The following INTS1 variants were observed in gnomAD, a reference collection of about 807,000 sequenced individuals.
INTS1 encodes the protein integrator complex subunit 1.
INTS1 carries 137 observed loss-of-function variants against 241.6 expected under a neutral mutation model. That is an observed-to-expected ratio of 0.57 (90% CI 0.49 to 0.65). The LOEUF (loss-of-function observed/expected upper bound fraction) is 0.65. INTS1 is among the 30% of genes least tolerant of loss of function. INTS1 has a pLI of 0.00. For synonymous variants in INTS1, 1,692 were observed against 1,337.8 expected, an observed-to-expected ratio of 1.26 and a Z score of -5.78; for missense variants, 3,073 against 3,032.2, an observed-to-expected ratio of 1.01 and a Z score of -0.32.
Position 1,473,119 on chromosome 7 carries a change from G to A in INTS1, c.6023C>T (p.Pro2008Leu). 6.2e-7 allele frequency: 1 copy of A among 1,612,098 alleles called. No individual in the cohort carries two copies. The highest frequency in any genetic ancestry group is 1.3e-5 in the African/African-American group (1 of 75,038). The change falls in exon 43 of 48, where the codon CCC becomes CTC. Residue 2008 changes from proline to leucine, a missense_variant. Physicochemically the swap from Pro to Leu is moderately conservative, Grantham distance 98. Coordinates refer to ENST00000404767, the MANE Select transcript of INTS1 (RefSeq NM_001080453.3). ...LKSLLAGLSLPSRDDRTDRGL... is the reference protein window; with the variant it reads ...LKSLLAGLSLLSRDDRTDRGL... ...TCGGTCGGTCCTGTCGTCCCTGCTG[G>A]GCAGGCTGAGCCCTGCAAGGAGGGA...
At chr7:1,487,263 G>A (rs1462124528) in intron 20 of INTS1, 57 bp downstream of exon 20, 20 of 1,546,798 alleles carry the variant, frequency 1.3e-5, no homozygotes, top group African/African-American at 2.7e-5. Flanking sequence ...AAGGCCTCCG[G>A]AAGGTTCCGG....
At chr7:1,494,450 G>C in intron 14 of INTS1, 2 of 348,314 alleles carry the variant, frequency 5.7e-6, no homozygotes, top group South Asian at 5.7e-5. Flanking sequence ...CAGCCGGCTG[G>C]GGAAGGACAG....
rs1256248625 is a variant in INTS1 at position 1,496,137 on chromosome 7, G to A, written c.1711+19C>T. On this transcript the variant is annotated intron_variant, in intron 12 of 47. Coordinates refer to ENST00000404767, the MANE Select transcript of INTS1 (RefSeq NM_001080453.3). ...CGAGACCCCCACCAAGCAGGGCCAG[G>A]CCACCCCCACATCCTTACTCCTCTT... The A allele has an allele frequency of 6.2e-7, 1 of 1,602,774 alleles. No individual in the cohort carries two copies. The highest frequency in any genetic ancestry group is 1.1e-5 in the South Asian group (1 of 90,850).
In INTS1 at chr7:1,481,127, G is replaced by A. The variant is rs911786416; in HGVS notation, c.3851-194C>T. The A allele has an allele frequency of 7.1e-6, 5 of 708,350 alleles. No individual in the cohort carries two copies. The highest frequency in any genetic ancestry group is 3.7e-4 in the Middle Eastern group (1 of 2,730). 43.9% of individuals were successfully genotyped at this position (708,350 alleles called of 1,614,324 possible). The stretch of plus-strand genomic sequence containing the variant: ...CAAGCTCAAAACACGGCCCTAGGGG[G>A]TGCCTGGCCCCAGGGTTGGGGCAGG... On this transcript the variant is annotated intron_variant, in intron 28 of 47. Transcript: ENST00000404767. This position sits in a 1 kb window ranked among gnomAD's most constrained non-coding sequence, Gnocchi z 6.8.
intron 10 of INTS1, 99 bp downstream of exon 10, chr7:1,498,313 G>A: frequency 6.6e-7 from 1 of 1,517,230 alleles, no homozygotes; most frequent in Non-Finnish European, 8.9e-7. Flanking sequence ...CTCCCACGAA[G>A]CACTGCCAAT....
At chr7:1,494,089 G>C (rs996371516) in intron 14 of INTS1, among the ~76,000 whole-genome samples, 178 bp from the exon 15 acceptor site, 4 of 152,180 alleles carry the variant, frequency 2.6e-5, no homozygotes, top group African/African-American at 9.7e-5. Context: ...AGGAGCCCTG[G>C]CTCTAAGTCT....
intron 16 of INTS1, among the ~76,000 whole-genome samples, chr7:1,491,042 A>G (rs1346867683): frequency 6.6e-6 from 1 of 152,246 alleles, no homozygotes; most frequent in Admixed American, 6.5e-5. Flanking sequence ...ACCAACCAAC[A>G]GAATGAAGTG....
chr7:1,493,194 G>T lies in INTS1; in HGVS notation c.2069-88C>A. On this transcript the variant is annotated intron_variant, in intron 15 of 47. Transcript: ENST00000404767. The surrounding 1 kb of genome is among the most constrained non-coding windows in gnomAD (Gnocchi z 5.3). ...AGGGAACCGGCCCTGCTCGGGCCGC[G>T]TCGGGGTGGGGTGGGGGATGCCGCA... The T allele has an allele frequency of 1.0e-6, 1 of 985,380 alleles. No individual in the cohort carries two copies. Among genetic ancestry groups the T allele is most frequent in the Non-Finnish European group, 1.6e-6 (1 of 638,002 alleles). 61.0% of individuals were successfully genotyped at this position (985,380 alleles called of 1,614,324 possible).
In INTS1 at chr7:1,499,539, T is replaced by G. The variant is rs1419922236; in HGVS notation, c.778A>C (p.Arg260=). Residue 260 remains arginine, a synonymous_variant, in exon 6 of 48, where the codon AGA becomes CGA. Transcript: ENST00000404767. ...AGCAGCACGCTCCTGGGGGGCATTC[T>G]GGTGTTGAAGGCCGTCTGGATGTTG... The part of the protein sequence containing the change: ...VDNIQTAFNT[R]MPPRSVLLQG... The G allele has an allele frequency of 1.2e-6, 2 of 1,613,094 alleles. No homozygotes were observed. The highest frequency in any genetic ancestry group is 1.7e-5 in the Admixed American group (1 of 59,946).
rs1781410119 is a variant in INTS1 at position 1,470,581 on chromosome 7, A to G, written c.6569T>C (p.Met2190Thr). Residue 2190 changes from methionine to threonine, a missense_variant, in exon 48 of 48, where the codon ATG becomes ACG. Coordinates refer to ENST00000404767, the MANE Select transcript of INTS1 (RefSeq NM_001080453.3). ...ALRILHMEAVM is the reference protein window; with the variant it reads ...ALRILHMEAVT ...GGGGGGTCGGCTGCCACAGGCTCACATCACGGCCTCCATATGCAGGATCCT... is the reference window on the plus strand; with the variant it reads ...GGGGGGTCGGCTGCCACAGGCTCACGTCACGGCCTCCATATGCAGGATCCT... 3 of 1,560,098 alleles carry G rather than the reference A, an allele frequency of 1.9e-6. No homozygotes were observed. The highest frequency in any genetic ancestry group is 2.6e-6 in the Non-Finnish European group (3 of 1,153,226).
At position 1,473,640 on chromosome 7, in the gene INTS1, C is replaced by T. The variant is rs1227296163; in HGVS notation, c.5883G>A (p.Gln1961=). ...HLAAFINKFV[Q]FIHKYITYNA... ...TGTAGGTAATGTACTTATGGATGAA[C>T]TGCACAAACTTGTTGATGAAGGCAG... Residue 1961 remains glutamine, a synonymous_variant, in exon 42 of 48, where the codon CAG becomes CAA. Coordinates refer to ENST00000404767, the MANE Select transcript of INTS1 (RefSeq NM_001080453.3). 6.2e-7 allele frequency: 1 copy of T among 1,613,328 alleles called. No individual in the cohort carries two copies. The highest frequency in any genetic ancestry group is 1.3e-5 in the African/African-American group (1 of 74,942).
intron 27 of INTS1, chr7:1,482,344 A>C (rs1782036201): frequency 4.2e-6 from 2 of 473,710 alleles, no homozygotes; most frequent in Non-Finnish European, 7.4e-6. Context: ...GGACGGGGCC[A>C]GCACAGGCTG....
chr7:1,499,863 G>A lies in INTS1; in HGVS notation c.684+21C>T, dbSNP rs151013249. The A allele has an allele frequency of 4.6e-4, 744 of 1,606,848 alleles. 1 individual carries two copies. The African/African-American group carries it at 8.3e-3, about 18-fold the overall frequency. ...CCCGTGGCGCTCTGCCATCTTCACC[G>A]TCCCGGGAGAGGACGCTCACCTTGA... is the stretch of plus-strand genomic sequence containing the variant. On this transcript the variant is annotated intron_variant, in intron 5 of 47. Coordinates refer to ENST00000404767, the MANE Select transcript of INTS1 (RefSeq NM_001080453.3).
chr7:1,471,719 G>T (rs545747148), intron 44 of INTS1, 78 bp from the exon 45 acceptor site: 2 of 1,399,378 alleles, frequency 1.4e-6, no homozygotes, highest in East Asian at 4.6e-5. Context: ...CCACCCAGAG[G>T]GGGCAAGGCC....
intron 13 of INTS1, among the ~76,000 whole-genome samples, chr7:1,495,231 C>T (rs145000605): frequency 0.01 from 1,547 of 152,330 alleles, 26 homozygotes; most frequent in African/African-American, 0.034. Flanking sequence ...TGGAGCCTAA[C>T]GGCTGCTGCT....
rs375676141 is a variant in INTS1, at chr7:1,480,945, A to AGC, written c.3851-14_3851-13dup. 1,591 of 1,578,962 alleles carry AGC rather than the reference A, an allele frequency of 1.0e-3. 8 individuals are homozygous for AGC. The African/African-American group carries it at 0.012, about 11-fold the overall frequency. ...GTGGGCCATGTAATCTGCAAACCGT[A>AGC]GCAGGGTCACACCTGGGCGCGGCCA... is the stretch of plus-strand genomic sequence containing the variant. On this transcript the variant is annotated splice_polypyrimidine_tract_variant and intron_variant, in intron 28 of 47. Coordinates refer to ENST00000404767, the MANE Select transcript of INTS1 (RefSeq NM_001080453.3).
At position 1,485,102 on chromosome 7, in the gene INTS1, G is replaced by A. The variant is rs1277311419; in HGVS notation, c.3257C>T (p.Ala1086Val). 1.3e-6 allele frequency: 2 copies of A among 1,597,390 alleles called. No homozygotes were observed. The highest frequency in any genetic ancestry group is 4.5e-5 in the East Asian group (2 of 44,832). ...VEEQAQHSDL[A>V]LDVARLVVER... ...TGGCTGACCCTGCTGCCTCACCAGG[G>A]CCAGGTCGCTGTGCTGGGCCTGCTC... Residue 1086 changes from alanine (A) to valine (V), a missense_variant, in exon 24 of 48, where the codon GCC (alanine) becomes GTC (valine). Physicochemically the swap from Ala to Val is moderately conservative, Grantham distance 64 (BLOSUM62 0). Transcript: ENST00000404767.
At chr7:1,504,245 C>G in intron 1 of INTS1, 78 bp downstream of exon 1, 1 of 589,036 alleles carries the variant, frequency 1.7e-6, no homozygotes, top group South Asian at 1.7e-5. Flanking sequence ...AGGGACGGCC[C>G]AGAGGCCGGG....
intron 35 of INTS1, 122 bp from the exon 36 acceptor site, chr7:1,477,040 A>G: frequency 8.1e-7 from 1 of 1,231,214 alleles, no homozygotes; most frequent in Non-Finnish European, 1.1e-6. Context: ...GCTGCCGGTA[A>G]CACCGGCCCC....
Sources: gnomAD v4.1 joint callset for allele counts (sites outside exome capture counted in the v4.1 genomes callset) on GRCh38, gnomAD v4.1.1 for gene constraint, Gnocchi (gnomAD v3.1) non-coding constraint, MANE v1.5 for transcripts, NCBI Gene and HGNC (gene_info 2026-07-23, HGNC 2026-07-21) for gene names.